The following FIP1L1 variants were observed in gnomAD, a reference collection of about 807,000 sequenced individuals.
The protein encoded by FIP1L1 is factor interacting with PAPOLA and CPSF1.
FIP1L1 carries 21 observed loss-of-function variants against 84.6 expected under a neutral mutation model. The observed-to-expected ratio is 0.25, with a 90% CI of 0.18 to 0.36. The LOEUF (loss-of-function observed/expected upper bound fraction) is 0.36, where lower values mean the gene tolerates loss of function less well. Ranked by LOEUF, FIP1L1 falls within the 10% of genes least tolerant of loss-of-function variation. The pLI is 1.00. For synonymous variants in FIP1L1, 263 were observed against 242.3 expected (o/e 1.09, Z -0.80); for missense variants, 526 against 751.1 (o/e 0.70, Z 3.50).
chr4:53,418,162 A>C (rs1407449391), intron 11 of FIP1L1, among the ~76,000 whole-genome samples: 1 of 151,738 alleles, frequency 6.6e-6, no homozygotes, highest in Non-Finnish European at 1.5e-5. Flanking sequence ...GGTTGTGTGC[A>C]CCTGTGGCCC....
At chr4:53,413,161 T>C (rs1439688596) in intron 10 of FIP1L1, among the ~76,000 whole-genome samples, 1 of 146,164 alleles carries the variant, frequency 6.8e-6, no homozygotes, top group East Asian at 2.0e-4. Flanking sequence ...CTCCATCATG[T>C]TTTTTTTTTT....
chr4:53,435,728 G>A (rs1172281698), intron 13 of FIP1L1, among the ~76,000 whole-genome samples: 1 of 151,666 alleles, frequency 6.6e-6, no homozygotes, highest in African/African-American at 2.4e-5. Flanking sequence ...AACTTTTTTT[G>A]CACCTTGTAA....
At chr4:53,448,225 T>C (rs190471639) in intron 15 of FIP1L1, among the ~76,000 whole-genome samples, 54 of 152,280 alleles carry the variant, frequency 3.5e-4, no homozygotes, top group African/African-American at 1.2e-3. Flanking sequence ...AAATCATTTA[T>C]TGAATAGTCT....
At chr4:53,458,847 C>T in intron 17 of FIP1L1, 57 bp downstream of exon 17, 6 of 1,551,572 alleles carry the variant, frequency 3.9e-6, no homozygotes, top group Non-Finnish European at 5.2e-6. Context: ...TGACTTACTA[C>T]ATTGTCGCAT....
intron 4 of FIP1L1, 111 bp downstream of exon 4, chr4:53,382,446 T>C: frequency 5.3e-6 from 4 of 750,932 alleles, no homozygotes; most frequent in Non-Finnish European, 6.8e-6. Flanking sequence ...TCAGGTGTTA[T>C]CTGGCCCTTT....
At chr4:53,382,816 T>G (rs927677715) in intron 4 of FIP1L1, among the ~76,000 whole-genome samples, 2 of 152,234 alleles carry the variant, frequency 1.3e-5, no homozygotes, top group Non-Finnish European at 2.9e-5. Flanking sequence ...GTTCCGGAAG[T>G]TTGAAGTTGT....
intron 15 of FIP1L1, 59 bp from the exon 16 acceptor site, chr4:53,452,861 G>T: frequency 1.6e-6 from 2 of 1,259,640 alleles, no homozygotes; most frequent in Non-Finnish European, 2.3e-6. Context: ...CATTTTTGGT[G>T]GGCATTTTGT....
At chr4:53,382,453 C>G (rs776700775) in intron 4 of FIP1L1, 118 bp downstream of exon 4, 50 of 709,218 alleles carry the variant, frequency 7.1e-5, no homozygotes, top group Non-Finnish European at 1.1e-4. Flanking sequence ...TTATCTGGCC[C>G]TTTCTTACAT....
chr4:53,386,233 A>G (rs1054257710), intron 5 of FIP1L1, among the ~76,000 whole-genome samples: 11 of 152,222 alleles, frequency 7.2e-5, no homozygotes, highest in Admixed American at 4.6e-4. Flanking sequence ...CACTGTGTTA[A>G]GTAGCAAAGA....
intron 13 of FIP1L1, among the ~76,000 whole-genome samples, chr4:53,437,410 C>T (rs1769874336): frequency 6.8e-6 from 1 of 146,552 alleles, no homozygotes; most frequent in Non-Finnish European, 1.5e-5. Context: ...TCTCATAGTC[C>T]TTTTAAGTGT....
intron 5 of FIP1L1, among the ~76,000 whole-genome samples, chr4:53,389,540 G>A (rs1275472474): frequency 1.3e-5 from 2 of 152,052 alleles, no homozygotes; most frequent in African/African-American, 2.4e-5. Flanking sequence ...TGTGTTAGCT[G>A]GGCACGGTGG....
intron 10 of FIP1L1, among the ~76,000 whole-genome samples, chr4:53,403,438 C>T (rs1453806223): frequency 6.6e-6 from 1 of 152,134 alleles, no homozygotes; most frequent in Non-Finnish European, 1.5e-5. Flanking sequence ...TAACTAGGCT[C>T]AAACACATCT....
At chr4:53,404,975 G>A (rs1752447385) in intron 10 of FIP1L1, among the ~76,000 whole-genome samples, 2 of 151,778 alleles carry the variant, frequency 1.3e-5, no homozygotes, top group African/African-American at 4.8e-5. Context: ...TCACTCTGAT[G>A]GTAGTTTCTT....
chr4:53,377,763 C>A lies in FIP1L1; in HGVS notation c.-76C>A. 7.3e-7 allele frequency: 1 copy of A among 1,366,146 alleles called. No homozygotes were observed. The highest frequency in any genetic ancestry group is 9.7e-7 in the Non-Finnish European group (1 of 1,026,424). 84.6% of individuals were successfully genotyped at this position (1,366,146 alleles called of 1,614,324 possible). A position where few individuals can be genotyped will look rare whatever the true frequency, so the allele number is the denominator to read the frequency against. ...TCGGCGGGTTCGCGCCCTTCTCGCGCCTCGGGGCTGCGAGGCTGGGGAAGG... is the reference window on the plus strand; with the variant it reads ...TCGGCGGGTTCGCGCCCTTCTCGCGACTCGGGGCTGCGAGGCTGGGGAAGG... On this transcript the variant is annotated 5_prime_UTR_variant, in exon 1 of 18. Transcript: ENST00000337488.
intron 10 of FIP1L1, among the ~76,000 whole-genome samples, chr4:53,404,976 G>A (rs1424691389): frequency 6.6e-6 from 1 of 151,848 alleles, no homozygotes; most frequent in African/African-American, 2.4e-5. Context: ...CACTCTGATG[G>A]TAGTTTCTTT....
At chr4:53,385,360 A>G (rs1486863470) in intron 5 of FIP1L1, among the ~76,000 whole-genome samples, 3 of 152,142 alleles carry the variant, frequency 2.0e-5, no homozygotes, top group African/African-American at 7.2e-5. Flanking sequence ...AATATTAAAT[A>G]TACGTGGACT....
chr4:53,434,686 T>A (rs1466946011), intron 13 of FIP1L1, among the ~76,000 whole-genome samples: 1 of 152,174 alleles, frequency 6.6e-6, no homozygotes, highest in African/African-American at 2.4e-5. Flanking sequence ...CAGGCTGGTC[T>A]TGAACTCCTG....
intron 15 of FIP1L1, among the ~76,000 whole-genome samples, chr4:53,445,649 G>T (rs1773877104): frequency 3.3e-5 from 5 of 152,164 alleles, no homozygotes; most frequent in Admixed American, 3.3e-4. Context: ...ATAAAGGCTA[G>T]TTGGTGAACA....
intron 15 of FIP1L1, among the ~76,000 whole-genome samples, 163 bp downstream of exon 15, chr4:53,444,266 A>C (rs1773246347): frequency 6.6e-6 from 1 of 152,240 alleles, no homozygotes; most frequent in African/African-American, 2.4e-5. Flanking sequence ...GTTAGCAAAC[A>C]ATAAATTTAA....
Sources: allele counts gnomAD v4.1 joint callset (sites outside exome capture counted in the v4.1 genomes callset), GRCh38; gene constraint gnomAD v4.1.1; transcripts MANE v1.5; gene names NCBI Gene and HGNC (gene_info 2026-07-23, HGNC 2026-07-21).